The following EHD3 variants were observed in gnomAD, a reference collection of about 807,000 sequenced individuals.
The protein encoded by EHD3 is EH domain containing 3.
In EHD3, 17 loss-of-function variants were observed where a neutral mutation model predicts 43.0. The observed-to-expected ratio is 0.40, with a 90% CI of 0.27 to 0.59. EHD3 has a LOEUF of 0.59. EHD3 is among the 20% of genes least tolerant of loss of function. The pLI is 0.49. For synonymous variants in EHD3, 313 were observed against 289.5 expected (o/e 1.08, Z -0.82); for missense variants, 594 against 705.6 (o/e 0.84, Z 1.79).
intron 3 of EHD3, among the ~76,000 whole-genome samples, chr2:31,250,641 C>T (rs540935496): frequency 1.3e-5 from 2 of 152,278 alleles, no homozygotes; most frequent in South Asian, 2.1e-4. Context: ...TGGGCCCCCA[C>T]CCCCAGCCTG....
chr2:31,260,881 C>T lies in EHD3; in HGVS notation c.874C>T (p.Arg292Cys), dbSNP rs1366749439. Residue 292 changes from arginine to cysteine, a missense_variant, in exon 4 of 6, where the codon CGC becomes TGC. Arg to Cys is a radical substitution (Grantham distance 180). This residue lies in a region of EHD3 where 322 missense variants were observed against 348.0 expected (regional missense o/e 0.93). Coordinates refer to ENST00000322054, the MANE Select transcript of EHD3 (RefSeq NM_014600.3). The surrounding 1 kb of genome is among the most constrained non-coding windows in gnomAD (Gnocchi z 4.6). ...IQSLPRNAAL[R>C]KLNDLIKRAR... The stretch of plus-strand genomic sequence containing the variant: ...GAGTCTGCCCCGAAATGCTGCCCTG[C>T]GCAAGCTCAACGACCTCATCAAAAG... 38 of 1,613,534 alleles carry T rather than the reference C, an allele frequency of 2.4e-5. No individual in the cohort carries two copies. Among genetic ancestry groups the T allele is most frequent in the Non-Finnish European group, 3.0e-5 (35 of 1,179,788 alleles).
intron 2 of EHD3, among the ~76,000 whole-genome samples, chr2:31,245,884 A>G (rs1244605034): frequency 2.0e-5 from 3 of 151,584 alleles, no homozygotes; most frequent in Admixed American, 6.6e-5. Context: ...CCTGGCCCCA[A>G]ATAATATTTT....
rs1422046364 is a variant in EHD3, at chr2:31,267,198, G to A, written c.*494G>A. ...TAGGAGATCTGAGGGCAGGCGGGCA[G>A]CTGCAGGGAGGAGAGGTGAGAAAGG... is the stretch of plus-strand genomic sequence containing the variant. On this transcript the variant is annotated 3_prime_UTR_variant, in exon 6 of 6. Coordinates refer to ENST00000322054, the MANE Select transcript of EHD3 (RefSeq NM_014600.3). 6.5e-6 allele frequency: 1 copy of A among 154,948 alleles called. No individual in the cohort carries two copies. 9.6% of individuals were successfully genotyped at this position (154,948 alleles called of 1,614,324 possible).
intron 2 of EHD3, among the ~76,000 whole-genome samples, chr2:31,248,689 T>C (rs1221163520): frequency 6.6e-6 from 1 of 152,206 alleles, no homozygotes; most frequent in East Asian, 1.9e-4. Context: ...CCAGCCAGGC[T>C]TGTGATCCTC....
chr2:31,237,303 A>G (rs1033200679), intron 1 of EHD3, among the ~76,000 whole-genome samples: 2 of 151,560 alleles, frequency 1.3e-5, no homozygotes, highest in Non-Finnish European at 2.9e-5. Context: ...ATTTATATAT[A>G]AAGCATATAA....
At position 31,266,855 on chromosome 2, in the gene EHD3, C is replaced by T. The variant is rs1436085603; in HGVS notation, c.*151C>T. 21 of 1,057,766 alleles carry T rather than the reference C, an allele frequency of 2.0e-5. No homozygotes were observed. Among genetic ancestry groups the T allele is most frequent in the Admixed American group, 5.8e-5 (2 of 34,212 alleles). The allele number at this position is 1,057,766 out of a possible 1,614,324, so 65.5% of individuals were successfully genotyped here. On this transcript the variant is annotated 3_prime_UTR_variant, in exon 6 of 6. Coordinates refer to ENST00000322054, the MANE Select transcript of EHD3 (RefSeq NM_014600.3). The surrounding 1 kb of genome is among the most constrained non-coding windows in gnomAD (Gnocchi z 5.1). ...CTCTGTAGGTGAGAGAGGACCATGA[C>T]GCCCATGTTTGCAGCTGATACTTGT...
intron 1 of EHD3, among the ~76,000 whole-genome samples, chr2:31,235,357 C>T (rs1683304644): frequency 2.0e-5 from 3 of 152,146 alleles, no homozygotes. Flanking sequence ...GGGGATGCTA[C>T]TTGTCCTCCT....
chr2:31,265,506 C>A (rs1439860096), intron 5 of EHD3, among the ~76,000 whole-genome samples: 1 of 152,208 alleles, frequency 6.6e-6, no homozygotes, highest in Non-Finnish European at 1.5e-5. Context: ...TAATGCAGCA[C>A]ATGACTGTAT....
intron 3 of EHD3, among the ~76,000 whole-genome samples, chr2:31,252,436 AT>A (rs1185705647): frequency 3.9e-5 from 6 of 152,146 alleles, no homozygotes; most frequent in African/African-American, 1.4e-4. Flanking sequence ...ATCCTATTCT[AT>A]TCTTTTCCTA....
intron 2 of EHD3, among the ~76,000 whole-genome samples, chr2:31,245,553 ATTTTTTTTT>A (rs1227122252): frequency 6.3e-4 from 22 of 35,050 alleles, no homozygotes; most frequent in African/African-American, 1.8e-3. Flanking sequence ...ATATATATAT[ATTTTTTTTT>A]TTTTTTTTTT....
intron 1 of EHD3, among the ~76,000 whole-genome samples, chr2:31,239,840 G>C (rs538844102): frequency 2.6e-4 from 14 of 53,670 alleles, no homozygotes; most frequent in African/African-American, 8.6e-4. Flanking sequence ...CTCCTCTCTC[G>C]AGCTGACTCT....
chr2:31,265,000 A>T (rs1039472539), intron 5 of EHD3, among the ~76,000 whole-genome samples: 2 of 152,124 alleles, frequency 1.3e-5, no homozygotes, highest in African/African-American at 4.8e-5. Context: ...GCAAACACCC[A>T]TGCTAGTCTA....
chr2:31,264,623 C>G (rs1489224623), intron 5 of EHD3, among the ~76,000 whole-genome samples: 1 of 141,456 alleles, frequency 7.1e-6, no homozygotes, highest in Non-Finnish European at 1.5e-5. Flanking sequence ...CAACCTCCAA[C>G]TCTGGGTTCA....
Position 31,242,964 on chromosome 2 carries a change from T to TAATA in EHD3, c.228-1287_228-1284dup, listed in dbSNP as rs530776564. On this transcript the variant is annotated intron_variant, in intron 1 of 5. Coordinates refer to ENST00000322054, the MANE Select transcript of EHD3 (RefSeq NM_014600.3). ...AACAAGAGTGAAACTCCGTCTCAAA[T>TAATA]AATAAATAAATAAATAAATAAATAA... 2.8e-3 allele frequency among the ~76,000 whole-genome samples: 424 copies of TAATA among 149,398 alleles called. 2 individuals carry two copies. The East Asian group carries it at 0.037, about 13-fold the overall frequency.
chr2:31,235,134 A>G (rs1204555816), intron 1 of EHD3, among the ~76,000 whole-genome samples: 2 of 152,144 alleles, frequency 1.3e-5, no homozygotes, highest in Non-Finnish European at 2.9e-5. Flanking sequence ...CTTATGGATG[A>G]TGAAACCGAG....
At chr2:31,247,052 AC>A (rs1683537176) in intron 2 of EHD3, among the ~76,000 whole-genome samples, 1 of 152,082 alleles carries the variant, frequency 6.6e-6, no homozygotes, top group Non-Finnish European at 1.5e-5. Flanking sequence ...ATGCGCCACC[AC>A]GCCTGGCTAA....
chr2:31,238,983 G>A (rs1683371588), intron 1 of EHD3, among the ~76,000 whole-genome samples: 1 of 152,152 alleles, frequency 6.6e-6, no homozygotes, highest in Non-Finnish European at 1.5e-5. Flanking sequence ...GGACTCTTGA[G>A]GCATGAGCAC....
At position 31,266,537 on chromosome 2, in the gene EHD3, C is replaced by T; in HGVS notation, c.1441C>T (p.Leu481=). 6.2e-7 allele frequency: 1 copy of T among 1,614,140 alleles called. No individual in the cohort carries two copies. Among genetic ancestry groups the T allele is most frequent in the Non-Finnish European group, 8.5e-7 (1 of 1,180,026 alleles). The change falls in exon 6 of 6, where the codon CTG becomes TTG. Residue 481 remains leucine, a synonymous_variant. Transcript: ENST00000322054. The surrounding 1 kb of genome is among the most constrained non-coding windows in gnomAD (Gnocchi z 5.1). ...GCGCTCCAAGCTGCCCAACAGTGTGCTGGGCAAGATCTGGAAGCTGGCCGA... is the reference window on the plus strand; with the variant it reads ...GCGCTCCAAGCTGCCCAACAGTGTGTTGGGCAAGATCTGGAAGCTGGCCGA... The part of the protein sequence containing the change: ...MVRSKLPNSV[L]GKIWKLADID...
rs74559457 is a variant in EHD3, at chr2:31,254,683, G to A, written c.502+5215G>A. ...CCCACCGCAAGTAAGTGCCTGGTTT[G>A]AGGGCTCAGCCTCTGAGCTTCAGGC... On this transcript the variant is annotated intron_variant, in intron 3 of 5. Transcript: ENST00000322054. Among the ~76,000 whole-genome samples, 1,824 of 152,290 alleles carry A rather than the reference G, an allele frequency of 0.012. 128 individuals carry two copies. The East Asian group carries it at 0.19, about 16-fold the overall frequency.
Sources: gnomAD v4.1 joint callset for allele counts (sites outside exome capture counted in the v4.1 genomes callset) on GRCh38, gnomAD v4.1.1 for gene constraint, gnomAD v4.1.1 regional missense constraint, Gnocchi (gnomAD v3.1) non-coding constraint, MANE v1.5 for transcripts, NCBI Gene and HGNC (gene_info 2026-07-23, HGNC 2026-07-21) for gene names.